TBCA: variants seen among roughly 807,000 people sequenced by gnomAD.
TBCA encodes tubulin-specific chaperone A.
TBCA carries 6 observed loss-of-function variants against 15.8 expected under a neutral mutation model. That is an observed-to-expected ratio of 0.38 (90% CI 0.21 to 0.75). The LOEUF (loss-of-function observed/expected upper bound fraction) is 0.75, where lower values mean the gene tolerates loss of function less well. Among genes scored for constraint, TBCA ranks in the 30% least tolerant of loss-of-function variants. TBCA has a pLI of 0.46. For missense variants in TBCA, 90 were observed against 131.2 expected, an observed-to-expected ratio of 0.69 and a Z score of 1.53; for synonymous variants, 32 against 42.3, an observed-to-expected ratio of 0.76 and a Z score of 0.94.
intron 1 of TBCA, among the ~76,000 whole-genome samples, chr5:77,745,243 A>T (rs1234533715): frequency 6.6e-6 from 1 of 152,236 alleles, no homozygotes; most frequent in East Asian, 1.9e-4. Flanking sequence ...TCAATAAAAC[A>T]AGTATAAAAG....
At chr5:77,748,908 T>C (rs1316825774) in intron 1 of TBCA, among the ~76,000 whole-genome samples, 1 of 152,320 alleles carries the variant, frequency 6.6e-6, no homozygotes, top group East Asian at 1.9e-4. Context: ...TTTACAGTAT[T>C]GTACTGTGTT....
intron 2 of TBCA, among the ~76,000 whole-genome samples, chr5:77,699,649 A>G (rs73137605): frequency 0.15 from 22,836 of 152,086 alleles, 2,237 homozygotes; most frequent in East Asian, 0.35. Flanking sequence ...AAAATAGAAA[A>G]TCTTTAGGAC....
intron 1 of TBCA, among the ~76,000 whole-genome samples, chr5:77,758,177 T>C (rs1159577641): frequency 1.3e-5 from 2 of 150,462 alleles, no homozygotes; most frequent in Non-Finnish European, 2.9e-5. Flanking sequence ...GACCCTCTCA[T>C]ATTGTTTTAT....
chr5:77,771,519 ACACT>A (rs746144463), intron 1 of TBCA, among the ~76,000 whole-genome samples: 15 of 152,178 alleles, frequency 9.9e-5, no homozygotes, highest in Non-Finnish European at 1.8e-4. Context: ...TAGGAACAAG[ACACT>A]CACCGTAAAC....
intron 1 of TBCA, among the ~76,000 whole-genome samples, chr5:77,753,174 A>C (rs963056365): frequency 6.6e-6 from 1 of 152,222 alleles, no homozygotes; most frequent in Non-Finnish European, 1.5e-5. Flanking sequence ...TTAACAAAAC[A>C]TGACCTTAAG....
At chr5:77,764,247 G>C (rs963085280) in intron 1 of TBCA, among the ~76,000 whole-genome samples, 14 of 152,092 alleles carry the variant, frequency 9.2e-5, no homozygotes, top group Non-Finnish European at 2.1e-4. Flanking sequence ...ACATCAGGTG[G>C]GGGTAATAGC....
chr5:77,773,912 C>A (rs1186799462), intron 1 of TBCA, among the ~76,000 whole-genome samples: 1 of 152,150 alleles, frequency 6.6e-6, no homozygotes, highest in Admixed American at 6.5e-5. Context: ...CTTCTTGGGT[C>A]TGAACAATAA....
chr5:77,720,753 T>C (rs1746512547), intron 1 of TBCA, among the ~76,000 whole-genome samples: 1 of 152,112 alleles, frequency 6.6e-6, no homozygotes, highest in Non-Finnish European at 1.5e-5. Flanking sequence ...CTATCTTAGA[T>C]GCGTTAAAAG....
intron 1 of TBCA, among the ~76,000 whole-genome samples, chr5:77,751,749 C>T (rs572073420): frequency 6.6e-6 from 1 of 152,270 alleles, no homozygotes; most frequent in South Asian, 2.1e-4. Context: ...CACATGGAGC[C>T]AGCTGTGTGG....
chr5:77,710,931 C>T (rs967185341), intron 1 of TBCA, among the ~76,000 whole-genome samples: 2 of 152,022 alleles, frequency 1.3e-5, no homozygotes. Context: ...ACTTCTAAAC[C>T]TGGTATGTGA....
chr5:77,739,217 T>C (rs1183817182), intron 1 of TBCA, among the ~76,000 whole-genome samples: 1 of 152,008 alleles, frequency 6.6e-6, no homozygotes, highest in Non-Finnish European at 1.5e-5. Context: ...TCCCAGCACT[T>C]TGGGAGGCTG....
intron 1 of TBCA, among the ~76,000 whole-genome samples, chr5:77,752,849 C>T (rs1381187318): frequency 2.1e-5 from 1 of 47,910 alleles, no homozygotes. Flanking sequence ...TGAGCCACCG[C>T]GCCCGGCCTC....
At chr5:77,738,614 G>A (rs552185888) in intron 1 of TBCA, among the ~76,000 whole-genome samples, 24 of 152,080 alleles carry the variant, frequency 1.6e-4, no homozygotes, top group African/African-American at 2.7e-4. Context: ...ACGGAGTCTC[G>A]CTCTGTCACC....
chr5:77,775,052 G>T (rs1296782457), intron 1 of TBCA, among the ~76,000 whole-genome samples: 2 of 149,984 alleles, frequency 1.3e-5, no homozygotes, highest in African/African-American at 4.9e-5. Flanking sequence ...TGGGCCTCAA[G>T]ACCTTCACTC....
intron 1 of TBCA, chr5:77,715,103 A>G (rs767183139): frequency 1.6e-6 from 1 of 611,990 alleles, no homozygotes; most frequent in Non-Finnish European, 2.9e-6. Context: ...TGAGAAGAGG[A>G]CACATGAGTT....
intron 2 of TBCA, 186 bp from the exon 3 acceptor site, chr5:77,693,538 C>T (rs1291178573): frequency 1.4e-6 from 1 of 718,466 alleles, no homozygotes; most frequent in Admixed American, 2.6e-5. Flanking sequence ...GTGGCTCACG[C>T]CTGTAATCCC....
intron 1 of TBCA, among the ~76,000 whole-genome samples, chr5:77,708,936 G>A (rs1345911858): frequency 6.6e-6 from 1 of 150,854 alleles, no homozygotes; most frequent in Middle Eastern, 3.5e-3. Context: ...CAATGTGAAA[G>A]CGATACTCAA....
chr5:77,758,249 G>A (rs565095695), intron 1 of TBCA, among the ~76,000 whole-genome samples: 69 of 149,658 alleles, frequency 4.6e-4, no homozygotes, highest in Non-Finnish European at 7.5e-4. Flanking sequence ...AAAGACAGGC[G>A]GCCTGGCACC....
chr5:77,726,865 T>G (rs772109275), intron 1 of TBCA, among the ~76,000 whole-genome samples: 7 of 152,166 alleles, frequency 4.6e-5, no homozygotes, highest in Non-Finnish European at 8.8e-5. Context: ...AAGCAATATT[T>G]CTATAACTAA....
Sources: allele counts gnomAD v4.1 joint callset (sites outside exome capture counted in the v4.1 genomes callset), GRCh38; gene constraint gnomAD v4.1.1; transcripts MANE v1.5; gene names NCBI Gene and HGNC (gene_info 2026-07-23, HGNC 2026-07-21).